The following MRPL13 variants were observed in gnomAD, a reference collection of about 807,000 sequenced individuals.
The protein encoded by MRPL13 is large ribosomal subunit protein uL13m.
A neutral mutation model predicts 29.0 loss-of-function variants in MRPL13; 33 were observed. That is an observed-to-expected ratio of 1.14 (90% CI 0.86 to 1.52). The LOEUF is 1.52. Ranked by LOEUF, MRPL13 falls within the 40% of genes most tolerant of loss-of-function variation. MRPL13 has a pLI of 0.00. For synonymous variants in MRPL13, 77 were observed against 68.4 expected (o/e 1.13, Z -0.62); for missense variants, 227 against 216.7 (o/e 1.05, Z -0.30).
At chr8:120,424,385 G>C (rs1586924028) in intron 4 of MRPL13, among the ~76,000 whole-genome samples, 3 of 152,260 alleles carry the variant, frequency 2.0e-5, no homozygotes, top group Middle Eastern at 6.8e-3. Flanking sequence ...TGTTTGGGAG[G>C]CCAAAATAGG....
At chr8:120,438,190 T>C (rs961120948) in intron 2 of MRPL13, among the ~76,000 whole-genome samples, 2 of 152,058 alleles carry the variant, frequency 1.3e-5, no homozygotes, top group African/African-American at 4.8e-5. Context: ...TGTGAAACCA[T>C]GTCTCTACGA....
intron 2 of MRPL13, among the ~76,000 whole-genome samples, chr8:120,438,760 C>A (rs1303295871): frequency 6.6e-6 from 1 of 152,116 alleles, no homozygotes; most frequent in East Asian, 1.9e-4. Context: ...AAGTTCTAGT[C>A]CCAGTTCTAC....
intron 2 of MRPL13, among the ~76,000 whole-genome samples, chr8:120,440,495 C>T (rs1345912302): frequency 1.3e-5 from 2 of 151,690 alleles, no homozygotes; most frequent in Admixed American, 6.6e-5. Flanking sequence ...ATCCCGGCTT[C>T]TCGGGAGGCT....
intron 1 of MRPL13, chr8:120,444,860 C>A (rs1055925621): frequency 5.5e-6 from 2 of 363,996 alleles, no homozygotes; most frequent in African/African-American, 2.2e-5. Context: ...ATGAAAAGGG[C>A]AGATTGAAAA....
At chr8:120,441,807 T>C (rs745571867) in intron 2 of MRPL13, among the ~76,000 whole-genome samples, 1 of 152,188 alleles carries the variant, frequency 6.6e-6, no homozygotes, top group Non-Finnish European at 1.5e-5. Context: ...TCTGGTTACA[T>C]AGAGAGTATC....
At chr8:120,438,562 C>A (rs1223326695) in intron 2 of MRPL13, among the ~76,000 whole-genome samples, 2 of 152,186 alleles carry the variant, frequency 1.3e-5, no homozygotes, top group Non-Finnish European at 2.9e-5. Context: ...TAGGTGACTG[C>A]TACTAATTGC....
At chr8:120,401,944 G>A (rs1407694132) in intron 6 of MRPL13, among the ~76,000 whole-genome samples, 2 of 152,116 alleles carry the variant, frequency 1.3e-5, no homozygotes, top group Non-Finnish European at 2.9e-5. Flanking sequence ...GCTAACAAGG[G>A]AAATTAAGGA....
intron 6 of MRPL13, among the ~76,000 whole-genome samples, chr8:120,400,792 T>G (rs1428090438): frequency 6.6e-6 from 1 of 150,772 alleles, no homozygotes; most frequent in Non-Finnish European, 1.5e-5. Context: ...GAGAGGAGAA[T>G]CAGACACAAT....
chr8:120,396,129 A>G lies in MRPL13; in HGVS notation c.516-4T>C, dbSNP rs1249147925. ...TTATAGCCGATAATCTTCAGGTCTG[A>G]AAGAAAAAATCAACATATTTCTTCA... On this transcript the variant is annotated splice_polypyrimidine_tract_variant and splice_region_variant and intron_variant, in intron 6 of 6. Coordinates refer to ENST00000306185, the MANE Select transcript of MRPL13 (RefSeq NM_014078.6). The G allele has an allele frequency of 6.3e-7, 1 of 1,578,892 alleles. No homozygotes were observed. The highest frequency in any genetic ancestry group is 2.3e-5 in the East Asian group (1 of 44,308).
In MRPL13 at chr8:120,431,147, C is replaced by A. The variant is rs376156111; in HGVS notation, c.245+883G>T. On this transcript the variant is annotated intron_variant, in intron 3 of 6. Transcript: ENST00000306185. Reference sequence around the variant, plus strand: ...ACAGTTGTTCCAAATATTTAAGATGCACTTGGGGAAAGAGATGAAAAGTAA... The same window carrying A: ...ACAGTTGTTCCAAATATTTAAGATGAACTTGGGGAAAGAGATGAAAAGTAA... Among the ~76,000 whole-genome samples, 111 of 152,152 alleles carry A rather than the reference C, an allele frequency of 7.3e-4. 1 individual carries two copies. Among genetic ancestry groups the A allele is most frequent in the African/African-American group, 2.6e-3 (106 of 41,502 alleles).
At chr8:120,412,420 C>CTAAGT (rs1234877687) in intron 6 of MRPL13, among the ~76,000 whole-genome samples, 1 of 152,166 alleles carries the variant, frequency 6.6e-6, no homozygotes, top group Non-Finnish European at 1.5e-5. Flanking sequence ...TTCAAGTGTG[C>CTAAGT]TAAGTTGCTC....
chr8:120,423,950 T>A (rs1004256406), intron 4 of MRPL13, among the ~76,000 whole-genome samples: 3 of 152,106 alleles, frequency 2.0e-5, no homozygotes, highest in Non-Finnish European at 2.9e-5. Flanking sequence ...GGGCTTTCAT[T>A]GATTTGGAAG....
chr8:120,417,945 A>G (rs1209277229), intron 5 of MRPL13, among the ~76,000 whole-genome samples: 2 of 152,116 alleles, frequency 1.3e-5, no homozygotes, highest in Non-Finnish European at 2.9e-5. Context: ...TCTAATATAT[A>G]AAATTTTAGC....
chr8:120,429,529 A>C (rs1812974799), intron 3 of MRPL13, among the ~76,000 whole-genome samples: 1 of 152,076 alleles, frequency 6.6e-6, no homozygotes, highest in East Asian at 1.9e-4. Context: ...TTGAAAAAAA[A>C]GATGTTTATC....
chr8:120,399,115 C>A (rs1450501430), intron 6 of MRPL13, among the ~76,000 whole-genome samples: 1 of 152,128 alleles, frequency 6.6e-6, no homozygotes, highest in Non-Finnish European at 1.5e-5. Flanking sequence ...GCAAGACAGG[C>A]CAAAACTCAA....
At chr8:120,439,036 C>T (rs991888286) in intron 2 of MRPL13, among the ~76,000 whole-genome samples, 7 of 152,146 alleles carry the variant, frequency 4.6e-5, no homozygotes, top group Non-Finnish European at 8.8e-5. Flanking sequence ...TACAAATTTG[C>T]CTACTTGTTA....
chr8:120,410,056 T>C (rs1017776715), intron 6 of MRPL13, among the ~76,000 whole-genome samples: 3 of 152,218 alleles, frequency 2.0e-5, no homozygotes, highest in African/African-American at 7.2e-5. Context: ...TTGATAATTG[T>C]TTCTGCTGCT....
intron 6 of MRPL13, among the ~76,000 whole-genome samples, chr8:120,407,648 T>TAAAACAAAAC (rs55919521): frequency 0.049 from 7,198 of 146,196 alleles, 227 homozygotes; most frequent in Non-Finnish European, 0.057. Flanking sequence ...AAACTCCATC[T>TAAAACAAAAC]AAAACAAAAC....
In MRPL13 at chr8:120,401,390, G is replaced by T. The variant is rs149639927; in HGVS notation, c.516-5265C>A. Among the ~76,000 whole-genome samples, 122 of 152,166 alleles carry T rather than the reference G, an allele frequency of 8.0e-4. 1 individual carries two copies. Among genetic ancestry groups the T allele is most frequent in the African/African-American group, 2.8e-3 (115 of 41,530 alleles). Reference sequence around the variant, plus strand: ...TGTAATTCATCAACATAAAAAGAACGAAAGACATAACCATATGATCAGCTC... The same window carrying T: ...TGTAATTCATCAACATAAAAAGAACTAAAGACATAACCATATGATCAGCTC... On this transcript the variant is annotated intron_variant, in intron 6 of 6. Transcript: ENST00000306185.
Sources: gnomAD v4.1 joint callset for allele counts (sites outside exome capture counted in the v4.1 genomes callset) on GRCh38, gnomAD v4.1.1 for gene constraint, MANE v1.5 for transcripts, NCBI Gene and HGNC (gene_info 2026-07-23, HGNC 2026-07-21) for gene names.